TMEM132B: variants seen among roughly 807,000 people sequenced by gnomAD.
TMEM132B encodes the protein transmembrane protein 132B.
Under a neutral mutation model 90.8 loss-of-function variants are expected in TMEM132B, and 18 were observed. That is an observed-to-expected ratio of 0.20 (90% confidence interval 0.14 to 0.29). TMEM132B has a LOEUF of 0.29. Ranked by LOEUF, TMEM132B falls within the 10% of genes least tolerant of loss-of-function variation. TMEM132B has a pLI of 1.00. For missense variants in TMEM132B, 1,096 were observed against 1,326.8 expected, an observed-to-expected ratio of 0.83 and a Z score of 2.70; for synonymous variants, 504 against 523.3, an observed-to-expected ratio of 0.96 and a Z score of 0.50.
intron 4 of TMEM132B, 144 bp from the exon 5 acceptor site, chr12:125,583,707 A>C (rs1885111186): frequency 1.0e-6 from 1 of 973,352 alleles, no homozygotes; most frequent in African/African-American, 1.6e-5. Flanking sequence ...ATTTTGTGTG[A>C]GCTTTGTGGC....
intron 1 of TMEM132B, among the ~76,000 whole-genome samples, chr12:125,306,074 G>A (rs2136169342): frequency 6.6e-6 from 1 of 152,370 alleles, no homozygotes; most frequent in Middle Eastern, 3.4e-3. Flanking sequence ...GGCAGGTAAG[G>A]TGATAAGCTT....
At chr12:125,332,023 G>T (rs1490025505) in intron 1 of TMEM132B, among the ~76,000 whole-genome samples, 1 of 152,054 alleles carries the variant, frequency 6.6e-6, no homozygotes, top group East Asian at 1.9e-4. Flanking sequence ...GATTACAGAC[G>T]TGAGCCACTG....
intron 1 of TMEM132B, among the ~76,000 whole-genome samples, chr12:125,233,556 G>GCTTA (rs1454478435): frequency 2.6e-5 from 4 of 152,150 alleles, no homozygotes; most frequent in Non-Finnish European, 5.9e-5. Context: ...CAATGGCCAC[G>GCTTA]CTTAGCTGCA....
At chr12:125,608,073 G>A (rs888855124) in intron 5 of TMEM132B, among the ~76,000 whole-genome samples, 3 of 152,116 alleles carry the variant, frequency 2.0e-5, no homozygotes, top group Admixed American at 6.5e-5. Flanking sequence ...TTTTGTGTGG[G>A]CATATGCTTT....
chr12:125,287,776 G>A (rs1875403259), intron 1 of TMEM132B, among the ~76,000 whole-genome samples: 1 of 151,470 alleles, frequency 6.6e-6, no homozygotes, highest in Admixed American at 6.6e-5. Context: ...AAAAATACTA[G>A]GGAACACACT....
intron 1 of TMEM132B, among the ~76,000 whole-genome samples, chr12:125,275,450 T>A (rs1874962683): frequency 6.6e-6 from 1 of 152,160 alleles, no homozygotes; most frequent in Admixed American, 6.5e-5. Context: ...TCCCTTGCCC[T>A]TGATGGAGAC....
rs773514622 is a variant in TMEM132B, at chr12:125,415,711, TG to T, written c.1106+38del. 2 of 1,609,896 alleles carry T rather than the reference TG, an allele frequency of 1.2e-6. No individual in the cohort carries two copies. The highest frequency in any genetic ancestry group is 1.7e-6 in the Non-Finnish European group (2 of 1,177,664). On this transcript the variant is annotated intron_variant, in intron 3 of 8. Transcript: ENST00000682704. This position sits in a 1 kb window ranked among gnomAD's most constrained non-coding sequence, Gnocchi z 5.3. ...GGAGATCCCCAAGGCACCTCCGCAGTGGGGAGGAGGGGAGTGGCTGCCAGAG... is the reference window on the plus strand; with the variant it reads ...GGAGATCCCCAAGGCACCTCCGCAGTGGGAGGAGGGGAGTGGCTGCCAGAG...
chr12:125,596,315 A>G (rs574904403), intron 5 of TMEM132B, among the ~76,000 whole-genome samples: 2 of 152,238 alleles, frequency 1.3e-5, no homozygotes, highest in Non-Finnish European at 2.9e-5. Context: ...GAAGTGGATT[A>G]CACAGCCTCC....
At chr12:125,478,192 A>C (rs577858087) in intron 3 of TMEM132B, among the ~76,000 whole-genome samples, 1 of 152,294 alleles carries the variant, frequency 6.6e-6, no homozygotes, top group African/African-American at 2.4e-5. Context: ...AATTCTAAAA[A>C]CCAGAGCGCC....
chr12:125,644,390 G>A (rs1886708896), intron 6 of TMEM132B, 109 bp downstream of exon 6: 1 of 1,232,246 alleles, frequency 8.1e-7, no homozygotes, highest in Non-Finnish European at 1.1e-6. Flanking sequence ...AACATCCACA[G>A]CGGGAAGCGT....
intron 3 of TMEM132B, among the ~76,000 whole-genome samples, chr12:125,500,381 A>G (rs922648001): frequency 1.3e-5 from 2 of 152,166 alleles, no homozygotes; most frequent in African/African-American, 4.8e-5. Context: ...TACCCACTGG[A>G]TGCTGCTAGT....
chr12:125,478,801 C>T (rs1593166385), intron 3 of TMEM132B, among the ~76,000 whole-genome samples: 1 of 152,138 alleles, frequency 6.6e-6, no homozygotes, highest in East Asian at 1.9e-4. Flanking sequence ...CCCCAAGACA[C>T]ATAATTGTCA....
intron 1 of TMEM132B, among the ~76,000 whole-genome samples, chr12:125,335,206 A>C (rs560933138): frequency 6.6e-6 from 1 of 152,296 alleles, no homozygotes; most frequent in South Asian, 2.1e-4. Context: ...CTTTTTCAAC[A>C]CCTACAGTAT....
intron 1 of TMEM132B, among the ~76,000 whole-genome samples, chr12:125,316,665 G>A (rs1314979703): frequency 6.6e-5 from 7 of 106,028 alleles, no homozygotes; most frequent in African/African-American, 2.8e-4. Context: ...TAAAGACCTG[G>A]GGCAGCTCAT....
In TMEM132B at chr12:125,406,611, G is replaced by A. The variant is rs897979990; in HGVS notation, c.960-8920G>A. Among the ~76,000 whole-genome samples the A allele has an allele frequency of 6.6e-6, 1 of 152,052 alleles. No individual in the cohort carries two copies. The highest frequency in any genetic ancestry group is 1.5e-5 in the Non-Finnish European group (1 of 68,030). On this transcript the variant is annotated intron_variant, in intron 2 of 8. Transcript: ENST00000682704. The surrounding 1 kb of genome is among the most constrained non-coding windows in gnomAD (Gnocchi z 8.3). The stretch of plus-strand genomic sequence containing the variant: ...TCGGAGGACTGGGTGGATGATATGG[G>A]GTATAAAAATATTTCACAGTCTTGA...
At chr12:125,401,489 G>C (rs1346087776) in intron 2 of TMEM132B, among the ~76,000 whole-genome samples, 1 of 152,132 alleles carries the variant, frequency 6.6e-6, no homozygotes, top group Non-Finnish European at 1.5e-5. Flanking sequence ...TCACTGAGAG[G>C]TGACATTTGT....
intron 1 of TMEM132B, among the ~76,000 whole-genome samples, chr12:125,188,710 C>G (rs957360631): frequency 6.6e-6 from 1 of 152,042 alleles, no homozygotes; most frequent in East Asian, 1.9e-4. Context: ...CAGCTCGTTC[C>G]GACAAATGCC....
intron 1 of TMEM132B, among the ~76,000 whole-genome samples, chr12:125,224,941 A>G (rs543889862): frequency 6.6e-6 from 1 of 152,316 alleles, no homozygotes; most frequent in Admixed American, 6.5e-5. Context: ...TTCTTTCCTA[A>G]CAGAGATCTT....
chr12:125,336,919 A>G (rs1876980674), intron 1 of TMEM132B, among the ~76,000 whole-genome samples: 1 of 152,242 alleles, frequency 6.6e-6, no homozygotes, highest in East Asian at 1.9e-4. Context: ...AACAGTCTCC[A>G]AGGTGTCCAA....
Sources: gnomAD v4.1 joint callset for allele counts (sites outside exome capture counted in the v4.1 genomes callset) on GRCh38, gnomAD v4.1.1 for gene constraint, Gnocchi (gnomAD v3.1) non-coding constraint, MANE v1.5 for transcripts, NCBI Gene and HGNC (gene_info 2026-07-23, HGNC 2026-07-21) for gene names.